PIK3C2B: variants seen among roughly 807,000 people sequenced by gnomAD.
The protein encoded by PIK3C2B is phosphatidylinositol 4-phosphate 3-kinase C2 domain-containing subunit beta.
A neutral mutation model predicts 184.3 loss-of-function variants in PIK3C2B; 83 were observed. That is an observed-to-expected ratio of 0.45 (90% confidence interval 0.38 to 0.54). PIK3C2B has a LOEUF of 0.54. Ranked by LOEUF, PIK3C2B falls within the 20% of genes least tolerant of loss-of-function variation. The pLI, the probability that PIK3C2B is intolerant of heterozygous loss-of-function variation, is 0.00. For missense variants in PIK3C2B, 1,736 were observed against 2,113.5 expected (o/e 0.82, Z 3.50); for synonymous variants, 779 against 837.6 (o/e 0.93, Z 1.21).
At position 204,469,246 on chromosome 1, in the gene PIK3C2B, G is replaced by C. The variant is rs372293680; in HGVS notation, c.557C>G (p.Pro186Arg). ...GSPSSSKISQPSDINTFSLVE... is the reference protein window; with the variant it reads ...GSPSSSKISQRSDINTFSLVE... ...CAAAGAGAAAGTGTTGATGTCACTG[G>C]GCTGGGAGATCTTGGAGGATGAGGG... Residue 186 changes from proline (P) to arginine (R), a missense_variant, in exon 2 of 33, where the codon CCC (proline) becomes CGC (arginine). Physicochemically the swap from Pro to Arg is moderately radical, Grantham distance 103 (BLOSUM62 -2). Coordinates refer to ENST00000684373, the MANE Select transcript of PIK3C2B (RefSeq NM_001377334.1). 2.5e-6 allele frequency: 4 copies of C among 1,582,872 alleles called. No individual in the cohort carries two copies. Among genetic ancestry groups the C allele is most frequent in the South Asian group, 2.3e-5 (2 of 86,388 alleles).
In PIK3C2B at chr1:204,431,338, G is replaced by C. The variant is rs1383106475; in HGVS notation, c.4280+331C>G. 1.2e-5 allele frequency: 4 copies of C among 323,406 alleles called. No homozygotes were observed. The East Asian group carries it at 2.5e-4, about 20-fold the overall frequency. 20.0% of individuals were successfully genotyped at this position (323,406 alleles called of 1,614,324 possible). On this transcript the variant is annotated intron_variant, in intron 28 of 32. Coordinates refer to ENST00000684373, the MANE Select transcript of PIK3C2B (RefSeq NM_001377334.1). ...GAAATCTCCCTCCATTTTAAATGCT[G>C]AATAATATCCCACTGTATGTACATA...
intron 2 of PIK3C2B, 72 bp downstream of exon 2, chr1:204,468,798 C>T (rs551564849): frequency 1.5e-6 from 2 of 1,323,608 alleles, no homozygotes; most frequent in Non-Finnish European, 2.1e-6. Context: ...GGATGTAGAA[C>T]AGCAGAGACT....
At chr1:204,461,741 T>A (rs1264281463) in intron 5 of PIK3C2B, among the ~76,000 whole-genome samples, 1 of 151,918 alleles carries the variant, frequency 6.6e-6, no homozygotes, top group Non-Finnish European at 1.5e-5. Flanking sequence ...GCTGTGGGGC[T>A]GGGCCTGGTG....
At chr1:204,451,619 G>A (rs901238139) in intron 12 of PIK3C2B, among the ~76,000 whole-genome samples, 3 of 151,610 alleles carry the variant, frequency 2.0e-5, no homozygotes, top group African/African-American at 7.3e-5. Context: ...TCACAATCCT[G>A]GGCAACTTAA....
At chr1:204,458,037 T>A (rs1655016829) in intron 8 of PIK3C2B, among the ~76,000 whole-genome samples, 163 bp from the exon 9 acceptor site, 1 of 152,268 alleles carries the variant, frequency 6.6e-6, no homozygotes, top group Non-Finnish European at 1.5e-5. Flanking sequence ...ATATTCATCA[T>A]CAGCAAATAA....
chr1:204,470,329 G>A (rs754292290), intron 1 of PIK3C2B, among the ~76,000 whole-genome samples: 30 of 152,046 alleles, frequency 2.0e-4, no homozygotes, highest in Non-Finnish European at 3.5e-4. Flanking sequence ...CACTGCGCCC[G>A]GCTAATTTTT....
rs184456539 is a variant in PIK3C2B, at chr1:204,456,865, C to T, written c.1747+172G>A. On this transcript the variant is annotated intron_variant, in intron 10 of 32. Transcript: ENST00000684373. Reference sequence around the variant, plus strand: ...GTGCTCTCCAGCTGTATCCACACCTCATATAGGAACACACACACACACACA... The same window carrying T: ...GTGCTCTCCAGCTGTATCCACACCTTATATAGGAACACACACACACACACA... 1.9e-4 allele frequency among the ~76,000 whole-genome samples: 25 copies of T among 133,384 alleles called. No individual in the cohort carries two copies. The East Asian group carries it at 5.3e-3, about 28-fold the overall frequency. 87.5% of individuals were successfully genotyped at this position (133,384 alleles called of 152,430 possible).
intron 1 of PIK3C2B, among the ~76,000 whole-genome samples, chr1:204,491,405 T>A (rs1224731557): frequency 6.7e-6 from 1 of 149,132 alleles, no homozygotes; most frequent in Non-Finnish European, 1.5e-5. Context: ...AAAAAATGAA[T>A]TCTGAGGCTG....
intron 2 of PIK3C2B, among the ~76,000 whole-genome samples, chr1:204,468,616 G>A (rs1371295151): frequency 6.6e-6 from 1 of 152,178 alleles, no homozygotes; most frequent in Non-Finnish European, 1.5e-5. Context: ...ATTCCCAAAT[G>A]CCTGCCCCAG....
At chr1:204,462,838 G>A (rs909736362) in intron 5 of PIK3C2B, among the ~76,000 whole-genome samples, 8 of 152,186 alleles carry the variant, frequency 5.3e-5, no homozygotes, top group South Asian at 2.1e-4. Flanking sequence ...CAGATCACCC[G>A]AGGTCAGGAG....
chr1:204,427,479 CAT>C (rs1387955173), intron 31 of PIK3C2B, among the ~76,000 whole-genome samples, 167 bp downstream of exon 31: 1 of 152,134 alleles, frequency 6.6e-6, no homozygotes, highest in African/African-American at 2.4e-5. Context: ...AAAGCTGTCT[CAT>C]GTATTGCCTA....
Position 204,424,281 on chromosome 1 carries a change from T to G in PIK3C2B, c.*571A>C, listed in dbSNP as rs1674630700. On this transcript the variant is annotated 3_prime_UTR_variant, in exon 33 of 33. Coordinates refer to ENST00000684373, the MANE Select transcript of PIK3C2B (RefSeq NM_001377334.1). ...GAGAGGGCTCTGGCCGAGGACCCACTGGGCCCCTCCCCAGATAGTTCCTAT... is the reference window on the plus strand; with the variant it reads ...GAGAGGGCTCTGGCCGAGGACCCACGGGGCCCCTCCCCAGATAGTTCCTAT... 1 of 191,542 alleles carries G rather than the reference T, an allele frequency of 5.2e-6. No homozygotes were observed. The highest frequency in any genetic ancestry group is 1.5e-4 in the East Asian group (1 of 6,636). 11.9% of individuals were successfully genotyped at this position (191,542 alleles called of 1,614,324 possible). A position where few individuals can be genotyped will look rare whatever the true frequency, so the allele number is the denominator to read the frequency against.
At chr1:204,484,010 G>T (rs1041297390) in intron 1 of PIK3C2B, among the ~76,000 whole-genome samples, 1 of 152,278 alleles carries the variant, frequency 6.6e-6, no homozygotes, top group Middle Eastern at 3.4e-3. Context: ...CCTTTCCCGT[G>T]TATGTGCCAT....
chr1:204,446,320 C>T (rs980216817), intron 15 of PIK3C2B, among the ~76,000 whole-genome samples, 176 bp from the exon 16 acceptor site: 1 of 151,096 alleles, frequency 6.6e-6, no homozygotes, highest in East Asian at 1.9e-4. Context: ...TGAACCCCCT[C>T]GCCATGCCTG....
intron 1 of PIK3C2B, among the ~76,000 whole-genome samples, chr1:204,475,319 A>G (rs149579467): frequency 6.6e-6 from 1 of 152,194 alleles, no homozygotes; most frequent in African/African-American, 2.4e-5. Flanking sequence ...GCTATTTGCT[A>G]TTGGCTCCCA....
chr1:204,462,645 A>AT (rs1456666591), intron 5 of PIK3C2B, among the ~76,000 whole-genome samples: 1 of 152,210 alleles, frequency 6.6e-6, no homozygotes, highest in Non-Finnish European at 1.5e-5. Flanking sequence ...GGTGGGGCAC[A>AT]TTTGAAGGGT....
chr1:204,451,198 TGA>T (rs1654320186), intron 12 of PIK3C2B, among the ~76,000 whole-genome samples: 1 of 152,192 alleles, frequency 6.6e-6, no homozygotes, highest in South Asian at 2.1e-4. Flanking sequence ...GAGCCTATTT[TGA>T]GAGTTAGCTG....
rs1260022952 is a variant in PIK3C2B, at chr1:204,424,390, G to T, written c.*462C>A. On this transcript the variant is annotated 3_prime_UTR_variant, in exon 33 of 33. Transcript: ENST00000684373. Reference sequence around the variant, plus strand: ...AATAAGAACCTTAATCATACAAAAAGTCCAAATAGTCTTCCTCTCTTGCCT... The same window carrying T: ...AATAAGAACCTTAATCATACAAAAATTCCAAATAGTCTTCCTCTCTTGCCT... The T allele has an allele frequency of 8.0e-6, 2 of 248,628 alleles. No homozygotes were observed. The highest frequency in any genetic ancestry group is 1.0e-4 in the East Asian group (1 of 9,982). 15.4% of individuals were successfully genotyped at this position (248,628 alleles called of 1,614,324 possible). A position where few individuals can be genotyped will look rare whatever the true frequency, so the allele number is the denominator to read the frequency against.
chr1:204,465,169 C>CCCCCACCCCCCAAA, intron 3 of PIK3C2B, 50 bp downstream of exon 3: 2 of 760,068 alleles, frequency 2.6e-6, no homozygotes, highest in Non-Finnish European at 4.6e-6. Context: ...TGGCCCCCCT[C>CCCCCACCCCCCAAA]CCCATCCCCC....
Sources: allele counts gnomAD v4.1 joint callset (sites outside exome capture counted in the v4.1 genomes callset), GRCh38; gene constraint gnomAD v4.1.1; transcripts MANE v1.5; gene names NCBI Gene and HGNC (gene_info 2026-07-23, HGNC 2026-07-21).